ATF2: variants seen among roughly 807,000 people sequenced by gnomAD.
ATF2 encodes the protein activating transcription factor 2.
ATF2 carries 24 observed loss-of-function variants against 60.6 expected under a neutral mutation model. The ratio of observed to expected loss-of-function variants is 0.40; its 90% CI spans 0.29 to 0.56. The LOEUF (loss-of-function observed/expected upper bound fraction) is 0.56. Among genes scored for constraint, ATF2 ranks in the 20% least tolerant of loss-of-function variants. ATF2 has a pLI of 0.54. For missense variants in ATF2, 433 were observed against 607.7 expected, an observed-to-expected ratio of 0.71 and a Z score of 3.02; for synonymous variants, 206 against 215.4, an observed-to-expected ratio of 0.96 and a Z score of 0.38.
chr2:175,142,789 A>G (rs1300775717), intron 2 of ATF2, among the ~76,000 whole-genome samples: 1 of 151,298 alleles, frequency 6.6e-6, no homozygotes, highest in Non-Finnish European at 1.5e-5. Flanking sequence ...CTAAAGCTGC[A>G]GAGAGAAACA....
chr2:175,138,901 A>T (rs1559104739), intron 2 of ATF2, among the ~76,000 whole-genome samples: 1 of 152,206 alleles, frequency 6.6e-6, no homozygotes, highest in African/African-American at 2.4e-5. Flanking sequence ...CAGCCAAAGG[A>T]ATATGAGCTT....
intron 1 of ATF2, among the ~76,000 whole-genome samples, chr2:175,153,211 TC>T (rs937618254): frequency 2.0e-5 from 3 of 152,162 alleles, no homozygotes; most frequent in Non-Finnish European, 4.4e-5. Flanking sequence ...AAAAATAACA[TC>T]CTTTTTTTGT....
intron 4 of ATF2, among the ~76,000 whole-genome samples, chr2:175,124,966 C>T (rs1697225353): frequency 6.6e-6 from 1 of 151,932 alleles, no homozygotes; most frequent in African/African-American, 2.4e-5. Context: ...GTAACTGAGG[C>T]ATACAAGAAA....
At chr2:175,103,652 A>G (rs1168318763) in intron 10 of ATF2, among the ~76,000 whole-genome samples, 2 of 151,018 alleles carry the variant, frequency 1.3e-5, no homozygotes, top group East Asian at 1.9e-4. Flanking sequence ...GTGTGCAAAG[A>G]TATTTCTCAG....
intron 2 of ATF2, among the ~76,000 whole-genome samples, chr2:175,144,784 C>A (rs1173314165): frequency 1.3e-5 from 2 of 152,096 alleles, no homozygotes; most frequent in Non-Finnish European, 2.9e-5. Flanking sequence ...GCTGTCAATG[C>A]CCAAGTGGGC....
intron 12 of ATF2, 92 bp downstream of exon 12, chr2:175,092,968 TA>T: frequency 1.5e-6 from 2 of 1,355,604 alleles, no homozygotes; most frequent in Non-Finnish European, 2.0e-6. Context: ...TATCATGTCC[TA>T]AAATGTTTGG....
chr2:175,159,188 C>T lies in ATF2; in HGVS notation c.-142-8030G>A, dbSNP rs146978359. 1.9e-3 allele frequency among the ~76,000 whole-genome samples: 296 copies of T among 151,942 alleles called. 1 individual carries two copies. Among genetic ancestry groups the T allele is most frequent in the African/African-American group, 6.9e-3 (286 of 41,454 alleles). On this transcript the variant is annotated intron_variant, in intron 1 of 13. Transcript: ENST00000264110. ...CAAAAAAATCAGCGGGGCGTGGTGG[C>T]GGAGACTATAGTTCCAGCTGCTCAA...
intron 7 of ATF2, 114 bp from the exon 8 acceptor site, chr2:175,114,982 C>A: frequency 2.3e-6 from 2 of 884,108 alleles, no homozygotes; most frequent in Admixed American, 3.2e-5. Context: ...CTGCTAAAAG[C>A]AAATTAATAT....
intron 10 of ATF2, among the ~76,000 whole-genome samples, chr2:175,098,431 T>C: frequency 6.6e-6 from 1 of 152,180 alleles, no homozygotes; most frequent in East Asian, 1.9e-4. Flanking sequence ...CCCAAATACA[T>C]ATTATTACAG....
intron 2 of ATF2, among the ~76,000 whole-genome samples, chr2:175,144,125 G>C (rs1471829037): frequency 1.3e-5 from 2 of 152,044 alleles, no homozygotes; most frequent in African/African-American, 4.8e-5. Context: ...AAAAATGTTA[G>C]TTAAAATTCT....
intron 2 of ATF2, among the ~76,000 whole-genome samples, chr2:175,139,457 A>C (rs1021996256): frequency 6.6e-6 from 1 of 152,122 alleles, no homozygotes; most frequent in Non-Finnish European, 1.5e-5. Flanking sequence ...AAATCACCTG[A>C]GGTCAGGAGT....
At chr2:175,164,063 TA>T (rs1412879173) in intron 1 of ATF2, among the ~76,000 whole-genome samples, 3 of 148,650 alleles carry the variant, frequency 2.0e-5, no homozygotes, top group Non-Finnish European at 4.5e-5. Context: ...ACACAATGTG[TA>T]AAAATAGGCC....
chr2:175,084,748 C>T (rs1427550330), intron 12 of ATF2, among the ~76,000 whole-genome samples: 1 of 151,444 alleles, frequency 6.6e-6, no homozygotes, highest in African/African-American at 2.4e-5. Context: ...ACATATAGAT[C>T]TCTTCCATAG....
chr2:175,117,714 CA>C (rs1263471319), intron 7 of ATF2, among the ~76,000 whole-genome samples: 1 of 151,746 alleles, frequency 6.6e-6, no homozygotes, highest in Non-Finnish European at 1.5e-5. Flanking sequence ...TATAAAATAG[CA>C]AAACACAGAA....
chr2:175,142,708 A>T (rs1264419050), intron 2 of ATF2, among the ~76,000 whole-genome samples: 16 of 127,046 alleles, frequency 1.3e-4, no homozygotes, highest in African/African-American at 4.5e-4. Flanking sequence ...AGAGAGAGAG[A>T]GAGAGAGAGA....
At chr2:175,127,703 T>G (rs1183152933) in intron 4 of ATF2, among the ~76,000 whole-genome samples, 1 of 152,220 alleles carries the variant, frequency 6.6e-6, no homozygotes, top group African/African-American at 2.4e-5. Flanking sequence ...AGCTTTTACA[T>G]TTGCTGCTCC....
chr2:175,139,726 A>C (rs919369509), intron 2 of ATF2, among the ~76,000 whole-genome samples: 1 of 152,088 alleles, frequency 6.6e-6, no homozygotes, highest in African/African-American at 2.4e-5. Context: ...CCACTCCTTT[A>C]ATCAGGAAAA....
chr2:175,094,923 C>G (rs1262856223), intron 11 of ATF2, among the ~76,000 whole-genome samples: 3 of 152,028 alleles, frequency 2.0e-5, no homozygotes, highest in South Asian at 4.1e-4. Flanking sequence ...GCATGGGCAA[C>G]AGAGGAAGAT....
At chr2:175,164,248 A>C (rs1255742851) in intron 1 of ATF2, among the ~76,000 whole-genome samples, 2 of 151,600 alleles carry the variant, frequency 1.3e-5, no homozygotes, top group South Asian at 2.1e-4. Flanking sequence ...AATGTGTAAA[A>C]ATAGGCCTAG....
Sources: gnomAD v4.1 joint callset for allele counts (sites outside exome capture counted in the v4.1 genomes callset) on GRCh38, gnomAD v4.1.1 for gene constraint, MANE v1.5 for transcripts, NCBI Gene and HGNC (gene_info 2026-07-23, HGNC 2026-07-21) for gene names.